The following FHIT variants were observed in gnomAD, a reference collection of about 807,000 sequenced individuals.
FHIT encodes fragile histidine triad diadenosine triphosphatase.
FHIT carries 19 observed loss-of-function variants against 17.9 expected under a neutral mutation model. The ratio of observed to expected loss-of-function variants is 1.06; its 90% CI spans 0.74 to 1.56. FHIT has a LOEUF of 1.56. Among genes scored for constraint, FHIT ranks in the 40% most tolerant of loss-of-function variants. The pLI is 0.00. For synonymous variants in FHIT, 81 were observed against 69.7 expected (o/e 1.16, Z -0.81); for missense variants, 248 against 189.2 (o/e 1.31, Z -1.82).
intron 3 of FHIT, among the ~76,000 whole-genome samples, chr3:60,938,338 C>T (rs1269454907): frequency 1.3e-5 from 2 of 152,160 alleles, no homozygotes; most frequent in African/African-American, 4.8e-5. Context: ...AAGTCATCCA[C>T]ACTTTACATG....
At chr3:61,242,480 C>T (rs1299504067) in intron 1 of FHIT, among the ~76,000 whole-genome samples, 1 of 152,146 alleles carries the variant, frequency 6.6e-6, no homozygotes, top group Non-Finnish European at 1.5e-5. Flanking sequence ...CATTTTTTCA[C>T]AGTTTATCCC....
At chr3:61,036,640 A>T (rs977318618) in intron 3 of FHIT, among the ~76,000 whole-genome samples, 12 of 152,334 alleles carry the variant, frequency 7.9e-5, no homozygotes, top group East Asian at 1.9e-4. Context: ...ATAAAAGATT[A>T]AAAAATGTTT....
rs573322421 is a variant in FHIT at position 59,976,881 on chromosome 3, C to T, written c.279+34490G>A. Among the ~76,000 whole-genome samples the T allele has an allele frequency of 3.3e-5, 5 of 152,116 alleles. No individual in the cohort carries two copies. The South Asian group carries it at 6.3e-4, about 19-fold the overall frequency. ...AGGTCAGAGAACTCAAGCAAGAGAACGAGAATGCAAGATATCTCCAAGGTT... is the reference window on the plus strand; with the variant it reads ...AGGTCAGAGAACTCAAGCAAGAGAATGAGAATGCAAGATATCTCCAAGGTT... On this transcript the variant is annotated intron_variant, in intron 7 of 9. Coordinates refer to ENST00000492590, the MANE Select transcript of FHIT (RefSeq NM_002012.4).
At chr3:61,043,426 A>G (rs1375060360) in intron 2 of FHIT, among the ~76,000 whole-genome samples, 1 of 152,068 alleles carries the variant, frequency 6.6e-6, no homozygotes. Context: ...AGGCTGGGGG[A>G]GGGGCATCCA....
intron 3 of FHIT, among the ~76,000 whole-genome samples, chr3:60,895,690 CTT>C (rs1705766238): frequency 1.7e-5 from 2 of 116,088 alleles, no homozygotes; most frequent in Non-Finnish European, 4.1e-5. Context: ...TTCTTTCTTT[CTT>C]TCTTTCTTTC....
intron 4 of FHIT, among the ~76,000 whole-genome samples, chr3:60,667,519 C>A (rs1306267533): frequency 2.0e-5 from 3 of 151,944 alleles, no homozygotes; most frequent in African/African-American, 7.3e-5. Flanking sequence ...AAAATTGTAT[C>A]AAAAATTTGC....
At chr3:61,065,958 G>T (rs962458532) in intron 2 of FHIT, among the ~76,000 whole-genome samples, 1 of 152,126 alleles carries the variant, frequency 6.6e-6, no homozygotes, top group Admixed American at 6.5e-5. Flanking sequence ...CTGAGACTAG[G>T]TAATTTATAA....
At chr3:61,163,783 G>C (rs1231775673) in intron 2 of FHIT, among the ~76,000 whole-genome samples, 1 of 152,058 alleles carries the variant, frequency 6.6e-6, no homozygotes, top group Admixed American at 6.5e-5. Flanking sequence ...ATCAAATTTA[G>C]CATAAAAATA....
intron 5 of FHIT, among the ~76,000 whole-genome samples, chr3:60,147,694 C>T (rs1186217411): frequency 1.3e-5 from 2 of 151,984 alleles, no homozygotes; most frequent in Non-Finnish European, 2.9e-5. Context: ...AAATTTTTTT[C>T]CCCCTAAGAA....
At chr3:59,933,282 A>T (rs149233449) in intron 7 of FHIT, among the ~76,000 whole-genome samples, 27 of 152,304 alleles carry the variant, frequency 1.8e-4, no homozygotes, top group African/African-American at 6.0e-4. Flanking sequence ...TATTTCTTTC[A>T]CATAAGCCAA....
chr3:60,126,678 C>T (rs552686962), intron 5 of FHIT, among the ~76,000 whole-genome samples: 1 of 152,174 alleles, frequency 6.6e-6, no homozygotes, highest in African/African-American at 2.4e-5. Flanking sequence ...CAACCCAATC[C>T]ACAGCACACG....
chr3:61,240,218 G>C (rs2040340940), intron 1 of FHIT, among the ~76,000 whole-genome samples: 1 of 152,138 alleles, frequency 6.6e-6, no homozygotes, highest in South Asian at 2.1e-4. Context: ...CCCAGCAAAT[G>C]GGATTTCAAA....
At chr3:60,377,516 C>T (rs1700620853) in intron 5 of FHIT, among the ~76,000 whole-genome samples, 1 of 130,178 alleles carries the variant, frequency 7.7e-6, no homozygotes, top group Non-Finnish European at 1.6e-5. Flanking sequence ...GCTCTGTCGC[C>T]CAGGCCGGAC....
chr3:59,760,157 A>G (rs571425149), intron 8 of FHIT, among the ~76,000 whole-genome samples: 1 of 152,338 alleles, frequency 6.6e-6, no homozygotes, highest in African/African-American at 2.4e-5. Flanking sequence ...CTTGAGTAAA[A>G]GCAAGTATTT....
chr3:60,464,538 CCTT>C (rs1411977515), intron 5 of FHIT, among the ~76,000 whole-genome samples: 3 of 151,894 alleles, frequency 2.0e-5, no homozygotes, highest in African/African-American at 7.3e-5. Context: ...TGGTAACAAT[CCTT>C]CTACTCTCTC....
At chr3:60,417,332 T>G (rs1702287859) in intron 5 of FHIT, among the ~76,000 whole-genome samples, 2 of 152,166 alleles carry the variant, frequency 1.3e-5, no homozygotes, top group South Asian at 4.1e-4. Flanking sequence ...GAGGTTTTAG[T>G]ACTTGCACCA....
chr3:60,922,227 A>G (rs2121845), intron 3 of FHIT, among the ~76,000 whole-genome samples: 38,442 of 152,138 alleles, frequency 0.25, 5,780 homozygotes, highest in Non-Finnish European at 0.34. Context: ...AAGGGAGGTA[A>G]TTATTCCCGA....
rs546314374 is a variant in FHIT at position 60,502,838 on chromosome 3, A to C, written c.103+34022T>G. On this transcript the variant is annotated intron_variant, in intron 5 of 9. Coordinates refer to ENST00000492590, the MANE Select transcript of FHIT (RefSeq NM_002012.4). Reference sequence around the variant, plus strand: ...TCAAAAATGCTATTATAAAAAAATCAAAATGGCAGAAAGGAAGATGGTCAA... The same window carrying C: ...TCAAAAATGCTATTATAAAAAAATCCAAATGGCAGAAAGGAAGATGGTCAA... Among the ~76,000 whole-genome samples the C allele has an allele frequency of 2.0e-3, 309 of 152,330 alleles. 3 individuals carry two copies. Among genetic ancestry groups the C allele is most frequent in the African/African-American group, 6.9e-3 (288 of 41,580 alleles).
At chr3:60,569,755 A>ATTT (rs1553654909) in intron 4 of FHIT, among the ~76,000 whole-genome samples, 29 of 77,320 alleles carry the variant, frequency 3.8e-4, no homozygotes, top group African/African-American at 7.7e-4. Context: ...ATATATATAT[A>ATTT]TTTTTTTTTT....
Sources: gnomAD v4.1 joint callset for allele counts (sites outside exome capture counted in the v4.1 genomes callset) on GRCh38, gnomAD v4.1.1 for gene constraint, MANE v1.5 for transcripts, NCBI Gene and HGNC (gene_info 2026-07-23, HGNC 2026-07-21) for gene names.